Variants in GRID2 observed in about 807,000 individuals in gnomAD.
The protein encoded by GRID2 is glutamate ionotropic receptor delta type subunit 2.
Under a neutral mutation model 114.8 loss-of-function variants are expected in GRID2, and 33 were observed. That is an observed-to-expected ratio of 0.29 (90% CI 0.22 to 0.38). The LOEUF is 0.38. GRID2 is among the 10% of genes least tolerant of loss of function. The pLI is 1.00. For synonymous variants in GRID2, 505 were observed against 449.9 expected, an observed-to-expected ratio of 1.12 and a Z score of -1.55; for missense variants, 1,184 against 1,257.7, an observed-to-expected ratio of 0.94 and a Z score of 0.89.
At chr4:93,218,845 C>T (rs1405517479) in intron 6 of GRID2, among the ~76,000 whole-genome samples, 1 of 152,122 alleles carries the variant, frequency 6.6e-6, no homozygotes, top group Non-Finnish European at 1.5e-5. Flanking sequence ...GCAAACATGT[C>T]CTTCCTCACA....
chr4:93,107,704 G>T (rs1415294254), intron 3 of GRID2, among the ~76,000 whole-genome samples: 1 of 151,930 alleles, frequency 6.6e-6, no homozygotes, highest in Non-Finnish European at 1.5e-5. Context: ...ATGTTGGCCA[G>T]GCTGGTCTCG....
At chr4:93,426,298 AT>A (rs1768845990) in intron 10 of GRID2, among the ~76,000 whole-genome samples, 1 of 152,140 alleles carries the variant, frequency 6.6e-6, no homozygotes, top group Admixed American at 6.5e-5. Flanking sequence ...TTCATCTTCT[AT>A]TCTTTTAAAA....
intron 3 of GRID2, among the ~76,000 whole-genome samples, chr4:93,088,206 T>A (rs1730489475): frequency 6.6e-6 from 1 of 152,154 alleles, no homozygotes; most frequent in Non-Finnish European, 1.5e-5. Flanking sequence ...AAAACTGATA[T>A]CTTTGCTTCT....
At chr4:93,693,502 C>T (rs1359363786) in intron 14 of GRID2, among the ~76,000 whole-genome samples, 4 of 152,106 alleles carry the variant, frequency 2.6e-5, no homozygotes, top group African/African-American at 9.7e-5. Flanking sequence ...TGTTTGACAT[C>T]AGAAAAGACT....
intron 2 of GRID2, among the ~76,000 whole-genome samples, chr4:92,728,495 G>A (rs923597633): frequency 7.2e-5 from 11 of 151,950 alleles, no homozygotes; most frequent in Non-Finnish European, 1.5e-4. Flanking sequence ...GTCTTCCATG[G>A]GGCTGTCTCA....
rs1323959329 is a variant in GRID2 at position 93,734,518 on chromosome 4, T to C, written c.2361-34692T>C. ...AATCACCACCACAAAAATCCATCTTTCCCAACATAAAATTAAATTAAAAAT... is the reference window on the plus strand; with the variant it reads ...AATCACCACCACAAAAATCCATCTTCCCCAACATAAAATTAAATTAAAAAT... On this transcript the variant is annotated intron_variant, in intron 14 of 15. Transcript: ENST00000282020. Among the ~76,000 whole-genome samples, 8 of 151,966 alleles carry C rather than the reference T, an allele frequency of 5.3e-5. No individual in the cohort carries two copies. In the East Asian group the frequency reaches 1.3e-3, roughly 26 times the overall value.
At chr4:92,758,125 T>C (rs1044981774) in intron 2 of GRID2, among the ~76,000 whole-genome samples, 79 of 152,090 alleles carry the variant, frequency 5.2e-4, no homozygotes, top group Non-Finnish European at 2.4e-4. Context: ...TGGAGGTAGA[T>C]TGGTAGATCT....
intron 8 of GRID2, among the ~76,000 whole-genome samples, chr4:93,314,443 C>T (rs1560487943): frequency 6.6e-6 from 1 of 151,882 alleles, no homozygotes; most frequent in African/African-American, 2.4e-5. Context: ...TATTCCATTC[C>T]TGGATCACTC....
chr4:93,132,350 G>T (rs1322285780), intron 4 of GRID2, among the ~76,000 whole-genome samples: 4 of 152,170 alleles, frequency 2.6e-5, no homozygotes, highest in Admixed American at 2.6e-4. Flanking sequence ...CTTTTTATGG[G>T]TGAGATCATG....
chr4:92,438,748 T>C (rs549418236), intron 1 of GRID2, among the ~76,000 whole-genome samples: 2 of 152,324 alleles, frequency 1.3e-5, no homozygotes, highest in African/African-American at 4.8e-5. Flanking sequence ...GTTGTATTTT[T>C]GAATTCTCTT....
chr4:92,904,020 T>A (rs1425033073), intron 2 of GRID2, among the ~76,000 whole-genome samples: 1 of 151,950 alleles, frequency 6.6e-6, no homozygotes. Context: ...CAGTTTCTTT[T>A]CTTATTTCTA....
At chr4:92,576,118 G>T (rs1184269392) in intron 1 of GRID2, among the ~76,000 whole-genome samples, 1 of 152,332 alleles carries the variant, frequency 6.6e-6, no homozygotes, top group East Asian at 1.9e-4. Flanking sequence ...GTACCAGAGA[G>T]AAGTCAGCAC....
chr4:92,720,115 G>T lies in GRID2; in HGVS notation c.244+129829G>T, dbSNP rs529789763. Among the ~76,000 whole-genome samples, 10 of 152,006 alleles carry T rather than the reference G, an allele frequency of 6.6e-5. No homozygotes were observed. In the South Asian group the frequency reaches 1.5e-3, roughly 22 times the overall value. ...TGTACTGTCTCCAGAACATTTCATA[G>T]GATGTTCATATTTCTTTTTAAGTCA... On this transcript the variant is annotated intron_variant, in intron 2 of 15. Transcript: ENST00000282020.
intron 8 of GRID2, among the ~76,000 whole-genome samples, chr4:93,334,570 C>A (rs1758835080): frequency 6.6e-6 from 1 of 152,152 alleles, no homozygotes; most frequent in African/African-American, 2.4e-5. Context: ...ATATTGGACC[C>A]TGATAATGCT....
intron 7 of GRID2, among the ~76,000 whole-genome samples, chr4:93,235,289 C>T (rs1382973132): frequency 6.6e-6 from 1 of 151,960 alleles, no homozygotes; most frequent in Non-Finnish European, 1.5e-5. Flanking sequence ...ATTTTTACTG[C>T]CAATTTAAAG....
intron 2 of GRID2, among the ~76,000 whole-genome samples, chr4:92,670,561 A>T (rs1733009326): frequency 1.3e-5 from 2 of 152,098 alleles, no homozygotes; most frequent in Admixed American, 1.3e-4. Context: ...GTTTTATGTA[A>T]ATTATTAATA....
chr4:93,378,564 A>G (rs1047808781), intron 8 of GRID2, among the ~76,000 whole-genome samples: 1 of 152,122 alleles, frequency 6.6e-6, no homozygotes, highest in Admixed American at 6.6e-5. Flanking sequence ...ATTTTATTAT[A>G]TGGTTCACAA....
Position 92,329,637 on chromosome 4 carries a change from T to C in GRID2, c.88+24893T>C, listed in dbSNP as rs547403331. Among the ~76,000 whole-genome samples the C allele has an allele frequency of 2.6e-5, 4 of 152,166 alleles. No homozygotes were observed. The East Asian group carries it at 7.7e-4, about 29-fold the overall frequency. ...TGATTATTTTGATATTTAGCACATTTTGTAGAATATCTACATATGCCCTGG... is the reference window on the plus strand; with the variant it reads ...TGATTATTTTGATATTTAGCACATTCTGTAGAATATCTACATATGCCCTGG... On this transcript the variant is annotated intron_variant, in intron 1 of 15. Transcript: ENST00000282020.
intron 8 of GRID2, among the ~76,000 whole-genome samples, chr4:93,331,711 G>A (rs188226289): frequency 3.7e-4 from 56 of 152,204 alleles, no homozygotes; most frequent in African/African-American, 1.3e-3. Context: ...GCATTAGTGT[G>A]CAGGAACTAG....
Sources: gnomAD v4.1 joint callset for allele counts (sites outside exome capture counted in the v4.1 genomes callset) on GRCh38, gnomAD v4.1.1 for gene constraint, MANE v1.5 for transcripts, NCBI Gene and HGNC (gene_info 2026-07-23, HGNC 2026-07-21) for gene names.